Variants in LYAR observed in about 807,000 individuals in gnomAD.
LYAR encodes cell growth-regulating nucleolar protein.
LYAR carries 37 observed loss-of-function variants against 45.2 expected under a neutral mutation model. The observed-to-expected ratio is 0.82, with a 90% CI of 0.63 to 1.08. The LOEUF (loss-of-function observed/expected upper bound fraction) is 1.08. Among genes scored for constraint, LYAR ranks in the 50% least tolerant of loss-of-function variants. The pLI, the probability that LYAR is intolerant of heterozygous loss-of-function variation, is 0.00. For missense variants in LYAR, 493 were observed against 451.0 expected, an observed-to-expected ratio of 1.09 and a Z score of -0.84; for synonymous variants, 176 against 155.1, an observed-to-expected ratio of 1.14 and a Z score of -1.00.
chr4:4,286,903 G>A (rs74963757), intron 1 of LYAR, among the ~76,000 whole-genome samples: 58,912 of 151,532 alleles, frequency 0.39, 12,250 homozygotes, highest in East Asian at 0.55. Context: ...CGCCTGCCTC[G>A]GCCTCCCAAA....
chr4:4,276,395 C>T (rs1000296031), intron 6 of LYAR, among the ~76,000 whole-genome samples: 5 of 152,062 alleles, frequency 3.3e-5, no homozygotes, highest in Non-Finnish European at 5.9e-5. Flanking sequence ...CCTTAAGGCT[C>T]GATCCTTGGC....
chr4:4,273,547 C>A, intron 8 of LYAR, 36 bp downstream of exon 8: 2 of 1,504,482 alleles, frequency 1.3e-6, no homozygotes, highest in Non-Finnish European at 9.2e-7. Context: ...AGCCGCTGTG[C>A]CCAGCCGTGC....
rs1287017153 is a variant in LYAR at position 4,268,625 on chromosome 4, A to C, written c.920-10T>G. On this transcript the variant is annotated splice_polypyrimidine_tract_variant and intron_variant, in intron 8 of 9. Coordinates refer to ENST00000343470, the MANE Select transcript of LYAR (RefSeq NM_017816.3). ...TTCCAGTTGAATTTACCTACAATAT[A>C]AATAATAATATTTAAGACATTTCGT... is the stretch of plus-strand genomic sequence containing the variant. 6.6e-7 allele frequency: 1 copy of C among 1,517,720 alleles called. No individual in the cohort carries two copies. The highest frequency in any genetic ancestry group is 2.3e-5 in the East Asian group (1 of 44,380). 94.0% of individuals were successfully genotyped at this position (1,517,720 alleles called of 1,614,324 possible). A position where few individuals can be genotyped will look rare whatever the true frequency, so the allele number is the denominator to read the frequency against.
chr4:4,280,312 A>C (rs1719344528), intron 4 of LYAR, among the ~76,000 whole-genome samples: 1 of 152,210 alleles, frequency 6.6e-6, no homozygotes, highest in African/African-American at 2.4e-5. Context: ...GGACTGGGAG[A>C]CTTAAAGTTG....
intron 6 of LYAR, among the ~76,000 whole-genome samples, chr4:4,276,761 A>G (rs1166404522): frequency 1.4e-5 from 2 of 146,234 alleles, no homozygotes; most frequent in African/African-American, 5.1e-5. Context: ...GGGGGCTGGG[A>G]CAGGAGAATC....
At chr4:4,269,513 C>G (rs1718852313) in intron 8 of LYAR, among the ~76,000 whole-genome samples, 1 of 152,184 alleles carries the variant, frequency 6.6e-6, no homozygotes, top group Non-Finnish European at 1.5e-5. Flanking sequence ...GGTCATGAGG[C>G]TGCCCCTGCT....
chr4:4,274,269 C>T, intron 7 of LYAR, 98 bp downstream of exon 7: 2 of 1,305,116 alleles, frequency 1.5e-6, no homozygotes, highest in Non-Finnish European at 2.1e-6. Context: ...ACCACACACA[C>T]ACGCACACAA....
intron 2 of LYAR, 125 bp from the exon 3 acceptor site, chr4:4,283,920 T>C (rs1445294041): frequency 1.9e-6 from 1 of 539,668 alleles, no homozygotes; most frequent in African/African-American, 1.9e-5. Flanking sequence ...ATTAGCAATC[T>C]ACATAAAATT....
Position 4,281,912 on chromosome 4 carries a change from A to C in LYAR, c.123-15T>G, listed in dbSNP as rs745675855. 3 of 1,584,088 alleles carry C rather than the reference A, an allele frequency of 1.9e-6. No individual in the cohort carries two copies. Among genetic ancestry groups the C allele is most frequent in the Non-Finnish European group, 2.6e-6 (3 of 1,153,084 alleles). On this transcript the variant is annotated splice_polypyrimidine_tract_variant and intron_variant, in intron 3 of 9. Coordinates refer to ENST00000343470, the MANE Select transcript of LYAR (RefSeq NM_017816.3). ...AGTCATCGCCCCTTTAAAGTGATCA[A>C]AAGTTCTGCCATTAGACTGATACCC...
intron 7 of LYAR, 135 bp from the exon 8 acceptor site, chr4:4,273,804 T>C: frequency 1.7e-6 from 1 of 595,588 alleles, no homozygotes; most frequent in Non-Finnish European, 3.0e-6. Flanking sequence ...CAGCCCCGGT[T>C]TATAAAACCC....
chr4:4,281,962 T>G, intron 3 of LYAR, 65 bp from the exon 4 acceptor site: 2 of 944,260 alleles, frequency 2.1e-6, no homozygotes, highest in Non-Finnish European at 3.5e-6. Context: ...AATACCAGCA[T>G]GCTGCCACTA....
chr4:4,269,114 G>T (rs1383469510), intron 8 of LYAR, among the ~76,000 whole-genome samples: 2 of 152,158 alleles, frequency 1.3e-5, no homozygotes, highest in African/African-American at 2.4e-5. Context: ...ATATAGGCAA[G>T]AAATGTAAGA....
chr4:4,270,626 C>A (rs1377891867), intron 8 of LYAR, among the ~76,000 whole-genome samples: 1 of 150,658 alleles, frequency 6.6e-6, no homozygotes, highest in Non-Finnish European at 1.5e-5. Flanking sequence ...AAAAAGAGAG[C>A]AGACATTTCA....
At chr4:4,273,746 C>A in intron 7 of LYAR, 77 bp from the exon 8 acceptor site, 3 of 802,432 alleles carry the variant, frequency 3.7e-6, no homozygotes, top group Non-Finnish European at 4.2e-6. Context: ...AGACCTTATG[C>A]GAGCTAGGCA....
At chr4:4,278,501 A>T (rs989832816) in intron 6 of LYAR, among the ~76,000 whole-genome samples, 2 of 152,202 alleles carry the variant, frequency 1.3e-5, no homozygotes, top group African/African-American at 2.4e-5. Context: ...TTCTCCTTCT[A>T]CCAGAAGGAA....
intron 8 of LYAR, chr4:4,268,915 G>A (rs1211302343): frequency 8.2e-6 from 2 of 243,638 alleles, no homozygotes; most frequent in Non-Finnish European, 1.6e-5. Context: ...TAAGATCATG[G>A]GGCTGTCCAT....
At chr4:4,280,848 C>T (rs539263234) in intron 4 of LYAR, among the ~76,000 whole-genome samples, 12 of 152,244 alleles carry the variant, frequency 7.9e-5, no homozygotes, top group South Asian at 2.1e-4. Context: ...TCAAATGGAA[C>T]GATTACTTTT....
chr4:4,286,666 G>C (rs1356696960), intron 1 of LYAR, 94 bp from the exon 2 acceptor site: 6 of 60,794 alleles, frequency 9.9e-5, no homozygotes, highest in Non-Finnish European at 1.5e-4. Flanking sequence ...TTTTTTTTGA[G>C]AAAGGAGTCT....
rs1324418799 is a variant in LYAR at position 4,279,588 on chromosome 4, C to A, written c.345+54G>T. The A allele has an allele frequency of 1.9e-6, 3 of 1,561,554 alleles. No homozygotes were observed. The African/African-American group carries it at 4.1e-5, about 21-fold the overall frequency. On this transcript the variant is annotated intron_variant, in intron 5 of 9. Coordinates refer to ENST00000343470, the MANE Select transcript of LYAR (RefSeq NM_017816.3). ...TCCCACTTGGACAGGTACACACAAGCTCAGTCACTGATGGGCCACACGGCC... is the reference window on the plus strand; with the variant it reads ...TCCCACTTGGACAGGTACACACAAGATCAGTCACTGATGGGCCACACGGCC...
Sources: gnomAD v4.1 joint callset for allele counts (sites outside exome capture counted in the v4.1 genomes callset) on GRCh38, gnomAD v4.1.1 for gene constraint, MANE v1.5 for transcripts, NCBI Gene and HGNC (gene_info 2026-07-23, HGNC 2026-07-21) for gene names.